Variants in HHAT observed in about 807,000 individuals in gnomAD.
The protein encoded by HHAT is hedgehog acyltransferase.
HHAT carries 47 observed loss-of-function variants against 70.8 expected under a neutral mutation model. The observed-to-expected ratio is 0.66, with a 90% CI of 0.53 to 0.85. HHAT has a LOEUF of 0.85. Among genes scored for constraint, HHAT ranks in the 40% least tolerant of loss-of-function variants. The probability of loss-of-function intolerance (pLI) is 0.00; values close to 1 mark genes in which losing one functional copy is unlikely to be tolerated. For missense variants in HHAT, 609 were observed against 604.8 expected (o/e 1.01, Z -0.07); for synonymous variants, 228 against 247.6 (o/e 0.92, Z 0.74).
intron 7 of HHAT, among the ~76,000 whole-genome samples, chr1:210,431,147 G>A (rs1445917086): frequency 6.6e-6 from 1 of 151,874 alleles, no homozygotes; most frequent in Non-Finnish European, 1.5e-5. Context: ...ATTTCTGCCA[G>A]GTGCTTGGAG....
At chr1:210,580,195 C>G (rs548629307) in intron 9 of HHAT, among the ~76,000 whole-genome samples, 1 of 152,154 alleles carries the variant, frequency 6.6e-6, no homozygotes, top group Admixed American at 6.5e-5. Context: ...AAATATTTTC[C>G]CTGCTTTGAA....
At chr1:210,593,814 A>G (rs564462699) in intron 10 of HHAT, among the ~76,000 whole-genome samples, 2 of 152,230 alleles carry the variant, frequency 1.3e-5, no homozygotes, top group Non-Finnish European at 2.9e-5. Context: ...AGCTCTAATA[A>G]TATTTGCTTT....
chr1:210,433,688 A>T (rs1043858962), intron 7 of HHAT, among the ~76,000 whole-genome samples: 2 of 151,874 alleles, frequency 1.3e-5, no homozygotes, highest in Non-Finnish European at 2.9e-5. Context: ...ATTTCCCTTA[A>T]TCCTCTCCTG....
intron 8 of HHAT, among the ~76,000 whole-genome samples, chr1:210,467,257 G>A (rs922454979): frequency 6.6e-6 from 1 of 152,138 alleles, no homozygotes; most frequent in African/African-American, 2.4e-5. Flanking sequence ...CTGAGGCAGT[G>A]TACAATGTAA....
At chr1:210,665,976 A>G (rs532966494) in intron 11 of HHAT, among the ~76,000 whole-genome samples, 1 of 152,326 alleles carries the variant, frequency 6.6e-6, no homozygotes, top group Admixed American at 6.5e-5. Flanking sequence ...AGTAGATTGC[A>G]TATTCTTTGT....
At position 210,384,883 on chromosome 1, in the gene HHAT, C is replaced by T. The variant is rs138664200; in HGVS notation, c.160-2585C>T. ...TTTTCTTACCCAAATCATTAAACATCATCTTGACCTATTCATTGGCCCAGC... is the reference window on the plus strand; with the variant it reads ...TTTTCTTACCCAAATCATTAAACATTATCTTGACCTATTCATTGGCCCAGC... On this transcript the variant is annotated intron_variant, in intron 3 of 11. Coordinates refer to ENST00000261458, the MANE Select transcript of HHAT (RefSeq NM_018194.6). Among the ~76,000 whole-genome samples the T allele has an allele frequency of 4.5e-3, 680 of 152,326 alleles. 4 individuals are homozygous for T. The highest frequency in any genetic ancestry group is 0.015 in the African/African-American group (643 of 41,572).
At chr1:210,562,334 C>A (rs2095630639) in intron 9 of HHAT, among the ~76,000 whole-genome samples, 1 of 145,292 alleles carries the variant, frequency 6.9e-6, no homozygotes, top group South Asian at 2.2e-4. Context: ...TAAGGAATAT[C>A]ACACTCATGA....
intron 8 of HHAT, among the ~76,000 whole-genome samples, chr1:210,489,742 G>GGAAA (rs556239952): frequency 6.6e-6 from 1 of 152,130 alleles, no homozygotes; most frequent in Non-Finnish European, 1.5e-5. Context: ...TGTGAATCTG[G>GGAAA]GAAAACTGCC....
intron 11 of HHAT, among the ~76,000 whole-genome samples, chr1:210,671,439 G>T (rs1333867288): frequency 6.6e-6 from 1 of 152,178 alleles, no homozygotes; most frequent in Admixed American, 6.5e-5. Context: ...GCTGTATTGA[G>T]CTAGTGTTCC....
chr1:210,335,940 T>A (rs2085446479), intron 1 of HHAT, among the ~76,000 whole-genome samples: 1 of 147,304 alleles, frequency 6.8e-6, no homozygotes. Context: ...ATAACATGGA[T>A]GAATCTTGTG....
At chr1:210,632,286 CG>C (rs1671021816) in intron 11 of HHAT, among the ~76,000 whole-genome samples, 1 of 152,102 alleles carries the variant, frequency 6.6e-6, no homozygotes, top group South Asian at 2.1e-4. Context: ...GGTAAATACC[CG>C]AGGTTTGTCA....
In HHAT at chr1:210,348,999, A is replaced by C. The variant is rs746257365; in HGVS notation, c.24A>C (p.Ala8=). The change falls in exon 2 of 12, where the codon GCA becomes GCC. Residue 8 remains alanine (A), a synonymous_variant. Transcript: ENST00000261458. ...CCATGCTGCCCCGATGGGAACTGGCACTTTACCTACTTGCCTCACTAGGCT... is the reference window on the plus strand; with the variant it reads ...CCATGCTGCCCCGATGGGAACTGGCCCTTTACCTACTTGCCTCACTAGGCT... The part of the protein sequence containing the change: MLPRWEL[A]LYLLASLGFH... 2.8e-5 allele frequency: 45 copies of C among 1,614,092 alleles called. No individual in the cohort carries two copies. The Middle Eastern group carries it at 1.5e-3, about 53-fold the overall frequency.
chr1:210,541,747 A>G (rs2095433203), intron 9 of HHAT, among the ~76,000 whole-genome samples: 1 of 152,126 alleles, frequency 6.6e-6, no homozygotes, highest in African/African-American at 2.4e-5. Flanking sequence ...CAAAAAACAA[A>G]ACAACAGAAA....
intron 5 of HHAT, 50 bp from the exon 6 acceptor site, chr1:210,404,414 G>A (rs1572190864): frequency 7.0e-7 from 1 of 1,431,900 alleles, no homozygotes; most frequent in Non-Finnish European, 9.8e-7. Context: ...GGGACTGGAC[G>A]ATGTCCCTGC....
chr1:210,340,191 T>C (rs1257837669), intron 1 of HHAT, among the ~76,000 whole-genome samples: 1 of 134,412 alleles, frequency 7.4e-6, no homozygotes, highest in Non-Finnish European at 1.5e-5. Context: ...AACACAAAAA[T>C]TAGTGGGGCA....
At chr1:210,393,619 C>T (rs1310699370) in intron 4 of HHAT, among the ~76,000 whole-genome samples, 9 of 152,148 alleles carry the variant, frequency 5.9e-5, no homozygotes, top group African/African-American at 2.2e-4. Flanking sequence ...CTTATTTCAC[C>T]TTTCTGCATC....
chr1:210,656,839 C>A lies in HHAT; in HGVS notation c.1391-17449C>A, dbSNP rs917463151. 2.6e-5 allele frequency among the ~76,000 whole-genome samples: 4 copies of A among 152,270 alleles called. 1 individual carries two copies. The East Asian group carries it at 7.8e-4, about 30-fold the overall frequency. On this transcript the variant is annotated intron_variant, in intron 11 of 11. Coordinates refer to ENST00000261458, the MANE Select transcript of HHAT (RefSeq NM_018194.6). The stretch of plus-strand genomic sequence containing the variant: ...TGATGCCTCTTCCTGGTGCCCAGGA[C>A]CCCCTAAATGCCCTGTGCTTCCAAG...
At chr1:210,421,989 T>C (rs1221133115) in intron 7 of HHAT, among the ~76,000 whole-genome samples, 1 of 152,222 alleles carries the variant, frequency 6.6e-6, no homozygotes, top group Non-Finnish European at 1.5e-5. Context: ...CATTTTTACT[T>C]TTTTGGGTCT....
chr1:210,373,203 A>G (rs1179143179), intron 3 of HHAT, among the ~76,000 whole-genome samples: 4 of 152,112 alleles, frequency 2.6e-5, no homozygotes, highest in Non-Finnish European at 5.9e-5. Context: ...ATTCAGACTT[A>G]TATAAGTGCC....
Sources: gnomAD v4.1 joint callset for allele counts (sites outside exome capture counted in the v4.1 genomes callset) on GRCh38, gnomAD v4.1.1 for gene constraint, MANE v1.5 for transcripts, NCBI Gene and HGNC (gene_info 2026-07-23, HGNC 2026-07-21) for gene names.